Variants in OPCML observed in about 807,000 individuals in gnomAD.
OPCML encodes the protein opioid-binding protein/cell adhesion molecule.
Under a neutral mutation model 37.8 loss-of-function variants are expected in OPCML, and 13 were observed. The observed-to-expected ratio is 0.34, with a 90% CI of 0.22 to 0.55. OPCML has a LOEUF of 0.55. Ranked by LOEUF, OPCML falls within the 20% of genes least tolerant of loss-of-function variation. The pLI, the probability that OPCML is intolerant of heterozygous loss-of-function variation, is 0.91. For missense variants in OPCML, 341 were observed against 435.6 expected, an observed-to-expected ratio of 0.78 and a Z score of 1.93; for synonymous variants, 176 against 168.8, an observed-to-expected ratio of 1.04 and a Z score of -0.33.
chr11:132,466,779 C>T (rs1191655114), intron 4 of OPCML, among the ~76,000 whole-genome samples: 2 of 152,170 alleles, frequency 1.3e-5, no homozygotes, highest in East Asian at 1.9e-4. Context: ...GCCTCGGGTC[C>T]GTGTCATTAA....
At chr11:132,786,274 A>T (rs1368405970) in intron 2 of OPCML, among the ~76,000 whole-genome samples, 1 of 152,234 alleles carries the variant, frequency 6.6e-6, no homozygotes, top group African/African-American at 2.4e-5. Context: ...AAAAGCTGAA[A>T]CGATTTCATA....
At chr11:133,191,607 C>T (rs1055122088) in intron 1 of OPCML, among the ~76,000 whole-genome samples, 1 of 151,168 alleles carries the variant, frequency 6.6e-6, no homozygotes, top group Non-Finnish European at 1.5e-5. Context: ...AATCCTCCTG[C>T]CTCTGCCTCT....
chr11:133,492,165 G>A (rs569279066), intron 1 of OPCML, among the ~76,000 whole-genome samples: 6 of 152,296 alleles, frequency 3.9e-5, no homozygotes, highest in Admixed American at 3.3e-4. Context: ...GGCCAAAGGT[G>A]TAGACTGAGT....
intron 2 of OPCML, among the ~76,000 whole-genome samples, chr11:132,791,064 G>T (rs1259952662): frequency 1.3e-5 from 2 of 152,174 alleles, no homozygotes; most frequent in Non-Finnish European, 1.5e-5. Context: ...TCGCTGGACT[G>T]GCTGTGGGGT....
chr11:132,736,837 C>T (rs185623452), intron 2 of OPCML, among the ~76,000 whole-genome samples: 2 of 152,224 alleles, frequency 1.3e-5, no homozygotes, highest in Admixed American at 1.3e-4. Flanking sequence ...CTGGGACCAC[C>T]CGGTGGAACC....
chr11:133,280,535 C>T (rs1038178574), intron 1 of OPCML, among the ~76,000 whole-genome samples: 1 of 152,222 alleles, frequency 6.6e-6, no homozygotes. Flanking sequence ...ATCAAATCCC[C>T]TAACATTTGC....
chr11:132,603,783 C>T (rs1938086264), intron 3 of OPCML, among the ~76,000 whole-genome samples: 1 of 152,198 alleles, frequency 6.6e-6, no homozygotes, highest in Admixed American at 6.5e-5. Context: ...CTTGAAGGTG[C>T]TCTCACATTT....
chr11:133,241,890 A>T (rs1940745615), intron 1 of OPCML, among the ~76,000 whole-genome samples: 1 of 152,042 alleles, frequency 6.6e-6, no homozygotes, highest in South Asian at 2.1e-4. Flanking sequence ...CACCCTTCAA[A>T]TCCTGCCTAT....
chr11:133,208,086 TTC>T lies in OPCML; in HGVS notation c.62-265078_62-265077del, dbSNP rs1461757611. Among the ~76,000 whole-genome samples the T allele has an allele frequency of 1.3e-5, 2 of 152,200 alleles. 1 individual carries two copies. Among genetic ancestry groups the T allele is most frequent in the South Asian group, 4.1e-4 (2 of 4,820 alleles). ...TCTGAGCTCCCATAGCATTATTTTT[TTC>T]TCTCTTCAGAGCATCTACCATGATT... On this transcript the variant is annotated intron_variant, in intron 1 of 7. Coordinates refer to ENST00000524381, the MANE Select transcript of OPCML (RefSeq NM_001012393.5). This position sits in a 1 kb window ranked among gnomAD's most constrained non-coding sequence, Gnocchi z 8.9.
intron 3 of OPCML, among the ~76,000 whole-genome samples, chr11:132,644,762 C>T (rs1354304981): frequency 6.6e-6 from 1 of 152,148 alleles, no homozygotes; most frequent in Non-Finnish European, 1.5e-5. Context: ...TGAACCAATC[C>T]AAGAGACATA....
chr11:133,398,909 T>C (rs901306326), intron 1 of OPCML, among the ~76,000 whole-genome samples: 10 of 152,022 alleles, frequency 6.6e-5, no homozygotes, highest in Admixed American at 5.2e-4. Flanking sequence ...GTTCTAAAAA[T>C]CCCAAAGAAC....
At chr11:132,925,991 G>A (rs181769489) in intron 2 of OPCML, among the ~76,000 whole-genome samples, 1 of 152,180 alleles carries the variant, frequency 6.6e-6, no homozygotes, top group Non-Finnish European at 1.5e-5. Flanking sequence ...CTATTCCCTT[G>A]CCATCCCTGT....
chr11:133,464,384 A>C (rs1161236334), intron 1 of OPCML, among the ~76,000 whole-genome samples: 6 of 152,184 alleles, frequency 3.9e-5, no homozygotes, highest in African/African-American at 1.4e-4. Flanking sequence ...GCTTTCAGTC[A>C]AACAAGAAAA....
intron 2 of OPCML, among the ~76,000 whole-genome samples, chr11:132,688,521 G>T (rs1943259791): frequency 6.6e-6 from 1 of 152,092 alleles, no homozygotes; most frequent in Admixed American, 6.6e-5. Context: ...CTGTAATTTA[G>T]AAATTGTCTT....
At chr11:132,482,557 C>T (rs2096184717) in intron 4 of OPCML, among the ~76,000 whole-genome samples, 1 of 152,204 alleles carries the variant, frequency 6.6e-6, no homozygotes, top group Non-Finnish European at 1.5e-5. Context: ...GGAATCATCC[C>T]TAACTCATTT....
chr11:133,256,706 A>G (rs1941321751), intron 1 of OPCML, among the ~76,000 whole-genome samples: 1 of 152,246 alleles, frequency 6.6e-6, no homozygotes, highest in East Asian at 1.9e-4. Flanking sequence ...TTAAAAATCA[A>G]TGTATTTAAG....
intron 1 of OPCML, among the ~76,000 whole-genome samples, chr11:133,305,329 C>T (rs1212961128): frequency 6.6e-6 from 1 of 152,118 alleles, no homozygotes. Flanking sequence ...GATGTCAACA[C>T]TGGAAAAGGA....
intron 2 of OPCML, among the ~76,000 whole-genome samples, chr11:132,755,462 C>A (rs750058601): frequency 6.6e-6 from 1 of 152,102 alleles, no homozygotes; most frequent in African/African-American, 2.4e-5. Context: ...AAACTTGGAT[C>A]CTATCAAGAA....
At chr11:133,295,076 G>A (rs59628660) in intron 1 of OPCML, among the ~76,000 whole-genome samples, 7,382 of 151,648 alleles carry the variant, frequency 0.049, 203 homozygotes, top group Middle Eastern at 0.072. Flanking sequence ...CACCTGCCTC[G>A]GCCTCCCAAA....
Sources: allele counts gnomAD v4.1 joint callset (sites outside exome capture counted in the v4.1 genomes callset), GRCh38; gene constraint gnomAD v4.1.1; non-coding constraint Gnocchi (gnomAD v3.1); transcripts MANE v1.5; gene names NCBI Gene and HGNC (gene_info 2026-07-23, HGNC 2026-07-21).